The following PARD6G variants were observed in gnomAD, a reference collection of about 807,000 sequenced individuals.
PARD6G encodes partitioning defective 6 homolog gamma.
A neutral mutation model predicts 10.7 loss-of-function variants in PARD6G; 7 were observed. That is an observed-to-expected ratio of 0.66 (90% confidence interval 0.37 to 1.23). The LOEUF is 1.23. Ranked by LOEUF, PARD6G falls within the 50% of genes most tolerant of loss-of-function variation. The pLI is 0.02. For synonymous variants in PARD6G, 287 were observed against 269.4 expected, an observed-to-expected ratio of 1.07 and a Z score of -0.64; for missense variants, 548 against 571.8, an observed-to-expected ratio of 0.96 and a Z score of 0.42.
At chr18:80,160,727 A>C in intron 2 of PARD6G, 121 bp from the exon 3 acceptor site, 3 of 1,379,128 alleles carry the variant, frequency 2.2e-6, no homozygotes, top group Non-Finnish European at 2.8e-6. Flanking sequence ...GGTGCACAGG[A>C]GCATTCCAGA....
intron 1 of PARD6G, among the ~76,000 whole-genome samples, chr18:80,218,311 A>G (rs1032536235): frequency 2.0e-5 from 3 of 152,154 alleles, no homozygotes; most frequent in Admixed American, 6.6e-5. Flanking sequence ...CATCCTAGAT[A>G]CAATGGAGGT....
At chr18:80,241,914 C>G (rs1967494465) in intron 1 of PARD6G, among the ~76,000 whole-genome samples, 1 of 152,226 alleles carries the variant, frequency 6.6e-6, no homozygotes, top group Non-Finnish European at 1.5e-5. Flanking sequence ...TGTACTAATT[C>G]TGGACGTGAT....
At chr18:80,185,929 CG>C (rs2052873051) in intron 2 of PARD6G, among the ~76,000 whole-genome samples, 1 of 138,392 alleles carries the variant, frequency 7.2e-6, no homozygotes. Context: ...CACCCTCACG[CG>C]GGCTTGCACA....
At chr18:80,195,309 G>A (rs537096002) in intron 2 of PARD6G, among the ~76,000 whole-genome samples, 3 of 151,914 alleles carry the variant, frequency 2.0e-5, no homozygotes, top group Admixed American at 6.6e-5. Context: ...CTCATCCACC[G>A]AGGCCAGGCT....
rs920490379 is a variant in PARD6G, at chr18:80,231,027, G to A, written c.72+16250C>T. ...AAAAGACCTAAAGAGCTACAGTGAT[G>A]GGAGAGAGAATTCCAAATGGAAGGT... On this transcript the variant is annotated intron_variant, in intron 1 of 2. Coordinates refer to ENST00000353265, the MANE Select transcript of PARD6G (RefSeq NM_032510.4). The surrounding 1 kb of genome is among the most constrained non-coding windows in gnomAD (Gnocchi z 4.2). Among the ~76,000 whole-genome samples, 9 of 152,230 alleles carry A rather than the reference G, an allele frequency of 5.9e-5. No individual in the cohort carries two copies. The highest frequency in any genetic ancestry group is 2.2e-4 in the African/African-American group (9 of 41,464).
chr18:80,217,113 A>T (rs1002604479), intron 1 of PARD6G, among the ~76,000 whole-genome samples: 3 of 152,214 alleles, frequency 2.0e-5, no homozygotes, highest in African/African-American at 7.2e-5. Context: ...AACAAAACAA[A>T]GCCCATAATC....
At chr18:80,186,208 C>T (rs1433530787) in intron 2 of PARD6G, among the ~76,000 whole-genome samples, 1 of 143,368 alleles carries the variant, frequency 7.0e-6, no homozygotes, top group East Asian at 2.3e-4. Context: ...ACGCATATAC[C>T]CTCACATATG....
At chr18:80,165,617 T>C (rs1322712112) in intron 2 of PARD6G, among the ~76,000 whole-genome samples, 1 of 152,226 alleles carries the variant, frequency 6.6e-6, no homozygotes, top group Non-Finnish European at 1.5e-5. Flanking sequence ...TAAATGTCCA[T>C]GAAATCTTCA....
intron 2 of PARD6G, among the ~76,000 whole-genome samples, chr18:80,172,986 C>A (rs145962335): frequency 1.3e-5 from 2 of 152,114 alleles, no homozygotes; most frequent in African/African-American, 2.4e-5. Flanking sequence ...AACAAGCACA[C>A]AAAAAACCAG....
intron 1 of PARD6G, among the ~76,000 whole-genome samples, chr18:80,211,466 C>G (rs921087268): frequency 2.0e-5 from 3 of 152,152 alleles, no homozygotes; most frequent in Non-Finnish European, 4.4e-5. Flanking sequence ...CTGGTGATAA[C>G]GTAAAGCAGT....
At chr18:80,196,280 A>AGG (rs1966955485) in intron 2 of PARD6G, among the ~76,000 whole-genome samples, 1 of 152,176 alleles carries the variant, frequency 6.6e-6, no homozygotes, top group African/African-American at 2.4e-5. Context: ...CCAACTAACC[A>AGG]CGTCTACAGT....
chr18:80,236,085 C>T (rs1044191114), intron 1 of PARD6G, among the ~76,000 whole-genome samples: 1 of 152,148 alleles, frequency 6.6e-6, no homozygotes, highest in Non-Finnish European at 1.5e-5. Flanking sequence ...TGATGAGCAT[C>T]GATGCAAAAA....
intron 1 of PARD6G, among the ~76,000 whole-genome samples, chr18:80,212,621 C>G (rs976668308): frequency 2.6e-5 from 4 of 152,150 alleles, no homozygotes; most frequent in Non-Finnish European, 5.9e-5. Flanking sequence ...TGTGGTGGCT[C>G]AAGCCTGTAA....
At chr18:80,174,826 C>T (rs9960134) in intron 2 of PARD6G, among the ~76,000 whole-genome samples, 1,688 of 152,112 alleles carry the variant, frequency 0.011, 23 homozygotes, top group African/African-American at 0.038. Context: ...TGGTGGCGGG[C>T]GCCTGTAGTC....
intron 1 of PARD6G, among the ~76,000 whole-genome samples, chr18:80,227,712 T>C (rs1430472347): frequency 6.6e-6 from 1 of 152,198 alleles, no homozygotes; most frequent in Non-Finnish European, 1.5e-5. Flanking sequence ...TGCAGGCCAG[T>C]GGATTCTCCT....
intron 1 of PARD6G, among the ~76,000 whole-genome samples, chr18:80,209,509 G>T (rs1032887913): frequency 6.6e-6 from 1 of 152,102 alleles, no homozygotes; most frequent in Non-Finnish European, 1.5e-5. Context: ...AGATCAATAA[G>T]CAAAAGCGTA....
At position 80,184,886 on chromosome 18, in the gene PARD6G, C is replaced by T. The variant is rs2052865997; in HGVS notation, c.295+17824G>A. On this transcript the variant is annotated intron_variant, in intron 2 of 2. Coordinates refer to ENST00000353265, the MANE Select transcript of PARD6G (RefSeq NM_032510.4). The surrounding 1 kb of genome is among the most constrained non-coding windows in gnomAD (Gnocchi z 4.5). ...CTATGGCTGCACAACTCTGTGAACA[C>T]ACTAAAAACACTGGCTTGGACAACC... is the stretch of plus-strand genomic sequence containing the variant. 3 of 152,196 alleles carry T rather than the reference C, an allele frequency of 2.0e-5. No individual in the cohort carries two copies. The highest frequency in any genetic ancestry group is 4.4e-5 in the Non-Finnish European group (3 of 68,050). The allele number at this position is 152,196 out of a possible 1,614,324, so 9.4% of individuals were successfully genotyped here.
intron 2 of PARD6G, among the ~76,000 whole-genome samples, chr18:80,178,828 T>G (rs2052831421): frequency 8.3e-6 from 1 of 120,608 alleles, no homozygotes; most frequent in Non-Finnish European, 2.0e-5. Flanking sequence ...CCCTGCCCCA[T>G]CACTTCCTCC....
At chr18:80,215,649 A>G (rs1295885816) in intron 1 of PARD6G, among the ~76,000 whole-genome samples, 1 of 152,176 alleles carries the variant, frequency 6.6e-6, no homozygotes, top group African/African-American at 2.4e-5. Flanking sequence ...GTAAAAAGAA[A>G]CAACAAAGAA....
Sources: allele counts gnomAD v4.1 joint callset (sites outside exome capture counted in the v4.1 genomes callset), GRCh38; gene constraint gnomAD v4.1.1; non-coding constraint Gnocchi (gnomAD v3.1); transcripts MANE v1.5; gene names NCBI Gene and HGNC (gene_info 2026-07-23, HGNC 2026-07-21).